SGCZ: variants seen among roughly 807,000 people sequenced by gnomAD.
SGCZ encodes the protein sarcoglycan zeta.
SGCZ carries 40 observed loss-of-function variants against 41.3 expected under a neutral mutation model. The ratio of observed to expected loss-of-function variants is 0.97; its 90% CI spans 0.75 to 1.26. The LOEUF (loss-of-function observed/expected upper bound fraction) is 1.26. SGCZ is among the 50% of genes most tolerant of loss of function. The probability of loss-of-function intolerance (pLI) is 0.00; values close to 1 mark genes in which losing one functional copy is unlikely to be tolerated. For synonymous variants in SGCZ, 206 were observed against 137.5 expected, an observed-to-expected ratio of 1.50 and a Z score of -3.49; for missense variants, 552 against 369.8, an observed-to-expected ratio of 1.49 and a Z score of -4.04.
chr8:14,704,837 C>A (rs1342045340), intron 1 of SGCZ, among the ~76,000 whole-genome samples: 1 of 151,936 alleles, frequency 6.6e-6, no homozygotes, highest in African/African-American at 2.4e-5. Flanking sequence ...TAGGGATAAA[C>A]TAAATACTGG....
chr8:15,140,126 A>G (rs1198528049), intron 1 of SGCZ, among the ~76,000 whole-genome samples: 1 of 151,970 alleles, frequency 6.6e-6, no homozygotes, highest in Non-Finnish European at 1.5e-5. Context: ...CTCAAGCAAC[A>G]TTCCTCCTAT....
At chr8:14,721,917 A>C (rs1809898905) in intron 1 of SGCZ, among the ~76,000 whole-genome samples, 1 of 152,076 alleles carries the variant, frequency 6.6e-6, no homozygotes, top group South Asian at 2.1e-4. Flanking sequence ...TTCCTTGGAA[A>C]TTTCAGTCAT....
intron 2 of SGCZ, among the ~76,000 whole-genome samples, chr8:14,549,794 C>T (rs1251112602): frequency 6.6e-6 from 1 of 151,782 alleles, no homozygotes; most frequent in Non-Finnish European, 1.5e-5. Flanking sequence ...CCAGAAAAGG[C>T]CACATAAATA....
At chr8:14,847,110 AAAGAAG>A (rs1314208680) in intron 1 of SGCZ, among the ~76,000 whole-genome samples, 1 of 142,250 alleles carries the variant, frequency 7.0e-6, no homozygotes, top group African/African-American at 2.7e-5. Context: ...AAGAAAGAAG[AAAGAAG>A]AAGAAGAAGA....
At chr8:15,233,979 G>A (rs1802044298) in intron 1 of SGCZ, among the ~76,000 whole-genome samples, 1 of 152,088 alleles carries the variant, frequency 6.6e-6, no homozygotes, top group Non-Finnish European at 1.5e-5. Flanking sequence ...GCATCTGAAA[G>A]CATGACTTAA....
chr8:14,876,360 A>G lies in SGCZ; in HGVS notation c.40-321434T>C, dbSNP rs114082081. Among the ~76,000 whole-genome samples the G allele has an allele frequency of 8.6e-3, 1,312 of 152,312 alleles. 13 individuals carry two copies. The highest frequency in any genetic ancestry group is 0.03 in the African/African-American group (1,229 of 41,574). ...CGATGCAGGTAAAGCTGTGCATAAG[A>G]AGACATTCATAGCTGTAAATATCAA... On this transcript the variant is annotated intron_variant, in intron 1 of 7. Transcript: ENST00000382080.
intron 4 of SGCZ, among the ~76,000 whole-genome samples, chr8:14,182,387 T>C (rs1242753168): frequency 6.6e-6 from 1 of 152,066 alleles, no homozygotes; most frequent in Non-Finnish European, 1.5e-5. Context: ...TCAAGCACAG[T>C]AGGCATAGAG....
At chr8:15,053,296 T>G (rs1228119709) in intron 1 of SGCZ, among the ~76,000 whole-genome samples, 1 of 152,188 alleles carries the variant, frequency 6.6e-6, no homozygotes, top group Admixed American at 6.5e-5. Context: ...TTTCTTTTAT[T>G]TGTTTTCCTG....
intron 1 of SGCZ, among the ~76,000 whole-genome samples, chr8:14,689,090 T>C (rs1182292617): frequency 1.3e-5 from 2 of 152,148 alleles, no homozygotes; most frequent in Non-Finnish European, 2.9e-5. Context: ...TTTTCTATGT[T>C]AGCACTAGGA....
In SGCZ at chr8:15,217,815, G is replaced by A. The variant is rs958724194; in HGVS notation, c.39+19770C>T. Among the ~76,000 whole-genome samples the A allele has an allele frequency of 7.0e-4, 106 of 152,206 alleles. 1 individual carries two copies. The highest frequency in any genetic ancestry group is 2.3e-3 in the African/African-American group (97 of 41,552). ...TAAGAAACTAGGGCTCTGGCTGTGCGTGGCATTCATGCCTATAATCCCAGC... is the reference window on the plus strand; with the variant it reads ...TAAGAAACTAGGGCTCTGGCTGTGCATGGCATTCATGCCTATAATCCCAGC... On this transcript the variant is annotated intron_variant, in intron 1 of 7. Transcript: ENST00000382080.
chr8:14,102,371 C>T lies in SGCZ; in HGVS notation c.744+5G>A. On this transcript the variant is annotated splice_donor_5th_base_variant and intron_variant, in intron 7 of 7. Transcript: ENST00000382080. ...AGGGCGAGGGTCCAACTTTCTGGGACTCACCTCCCCTTCTGTAGATTGCAG... is the reference window on the plus strand; with the variant it reads ...AGGGCGAGGGTCCAACTTTCTGGGATTCACCTCCCCTTCTGTAGATTGCAG... The T allele has an allele frequency of 1.4e-6, 2 of 1,473,000 alleles. No homozygotes were observed. The highest frequency in any genetic ancestry group is 2.0e-5 in the Admixed American group (1 of 50,500). The allele number at this position is 1,473,000 out of a possible 1,614,324, so 91.2% of individuals were successfully genotyped here.
intron 2 of SGCZ, among the ~76,000 whole-genome samples, chr8:14,465,975 C>G (rs1389761654): frequency 6.6e-6 from 1 of 151,828 alleles, no homozygotes; most frequent in Non-Finnish European, 1.5e-5. Flanking sequence ...AAATCATGTA[C>G]AAAACAAACA....
At chr8:14,405,831 G>A (rs1191865468) in intron 2 of SGCZ, among the ~76,000 whole-genome samples, 1 of 151,976 alleles carries the variant, frequency 6.6e-6, no homozygotes, top group Non-Finnish European at 1.5e-5. Context: ...GAACATTTCG[G>A]CATTATCATT....
intron 1 of SGCZ, among the ~76,000 whole-genome samples, chr8:15,101,860 G>T (rs1806626628): frequency 6.6e-6 from 1 of 152,174 alleles, no homozygotes; most frequent in Admixed American, 6.5e-5. Context: ...GGGAGGCGGA[G>T]GTTGCAGTGA....
chr8:14,166,395 A>G (rs1036962259), intron 4 of SGCZ, among the ~76,000 whole-genome samples: 1 of 152,178 alleles, frequency 6.6e-6, no homozygotes, highest in African/African-American at 2.4e-5. Context: ...ATTTTGTGCC[A>G]TAGACGACAA....
intron 1 of SGCZ, among the ~76,000 whole-genome samples, chr8:14,733,335 A>G (rs949934226): frequency 1.3e-5 from 2 of 152,178 alleles, no homozygotes; most frequent in Admixed American, 6.5e-5. Context: ...TTGAGGATCT[A>G]TATTTCCTTC....
In SGCZ at chr8:14,909,092, G is replaced by C. The variant is rs147693811; in HGVS notation, c.39+328493C>G. 1.4e-3 allele frequency among the ~76,000 whole-genome samples: 217 copies of C among 152,210 alleles called. 2 individuals carry two copies. Among genetic ancestry groups the C allele is most frequent in the Admixed American group, 6.4e-3 (98 of 15,288 alleles). ...GTTTGCAAATCATGTGCATCAAGTT[G>C]ATTAAGTATCTCATCTAGTTTACAC... On this transcript the variant is annotated intron_variant, in intron 1 of 7. Transcript: ENST00000382080.
intron 1 of SGCZ, among the ~76,000 whole-genome samples, chr8:14,655,123 A>G (rs1807523365): frequency 6.6e-6 from 1 of 152,120 alleles, no homozygotes; most frequent in Non-Finnish European, 1.5e-5. Flanking sequence ...AGCTTATTTT[A>G]TGAGCAAATG....
At chr8:14,097,798 AT>A (rs1801890815) in intron 7 of SGCZ, among the ~76,000 whole-genome samples, 2 of 152,176 alleles carry the variant, frequency 1.3e-5, no homozygotes, top group East Asian at 3.9e-4. Flanking sequence ...TATATTTAGG[AT>A]ACTTAGATCT....
Sources: allele counts gnomAD v4.1 joint callset (sites outside exome capture counted in the v4.1 genomes callset), GRCh38; gene constraint gnomAD v4.1.1; transcripts MANE v1.5; gene names NCBI Gene and HGNC (gene_info 2026-07-23, HGNC 2026-07-21).